GPC6: variants seen among roughly 807,000 people sequenced by gnomAD.
GPC6 encodes glypican-6.
Under a neutral mutation model 55.2 loss-of-function variants are expected in GPC6, and 14 were observed. That is an observed-to-expected ratio of 0.25 (90% CI 0.17 to 0.40). The LOEUF is 0.40. Among genes scored for constraint, GPC6 ranks in the 10% least tolerant of loss-of-function variants. The pLI, the probability that GPC6 is intolerant of heterozygous loss-of-function variation, is 1.00. For missense variants in GPC6, 641 were observed against 708.5 expected, an observed-to-expected ratio of 0.90 and a Z score of 1.08; for synonymous variants, 278 against 259.6, an observed-to-expected ratio of 1.07 and a Z score of -0.68.
At chr13:93,842,929 C>T (rs1888007578) in intron 3 of GPC6, among the ~76,000 whole-genome samples, 2 of 151,984 alleles carry the variant, frequency 1.3e-5, no homozygotes, top group African/African-American at 4.8e-5. Context: ...TCTAAATTCT[C>T]CATACCCAGA....
At chr13:93,216,724 T>C in the GPC6 span, among the ~76,000 whole-genome samples, 2 of 152,086 alleles carry the variant, frequency 1.3e-5, no homozygotes, top group Non-Finnish European at 2.9e-5. Context: ...CATATCCTCA[T>C]GGGAAAAAAG....
chr13:94,151,743 C>A (rs189590001), intron 4 of GPC6, among the ~76,000 whole-genome samples: 1 of 152,108 alleles, frequency 6.6e-6, no homozygotes, highest in East Asian at 1.9e-4. Flanking sequence ...CAGAGCCTTC[C>A]TTCGAAAGGG....
At chr13:94,035,095 G>C (rs893033546) in intron 4 of GPC6, among the ~76,000 whole-genome samples, 15 of 151,756 alleles carry the variant, frequency 9.9e-5, no homozygotes, top group African/African-American at 3.4e-4. Context: ...TTGGAATTTT[G>C]CGTTTTGATT....
chr13:93,420,899 C>T (rs1173477119), intron 1 of GPC6, among the ~76,000 whole-genome samples: 1 of 151,926 alleles, frequency 6.6e-6, no homozygotes, highest in Non-Finnish European at 1.5e-5. Flanking sequence ...ACAGGTAATT[C>T]AATGGAATGG....
At chr13:93,718,927 A>G (rs1456840267) in intron 2 of GPC6, among the ~76,000 whole-genome samples, 1 of 151,808 alleles carries the variant, frequency 6.6e-6, no homozygotes, top group African/African-American at 2.4e-5. Context: ...CCTCTGTTCT[A>G]TTCCATTGTT....
chr13:93,927,437 A>G lies in GPC6; in HGVS notation c.711+96892A>G, dbSNP rs182154029. ...TAGTCTTTTACTTGGAAAGGAGAGTAGTTAAATCTGACCAATTTAATTGAT... is the reference window on the plus strand; with the variant it reads ...TAGTCTTTTACTTGGAAAGGAGAGTGGTTAAATCTGACCAATTTAATTGAT... On this transcript the variant is annotated intron_variant, in intron 3 of 8. Coordinates refer to ENST00000377047, the MANE Select transcript of GPC6 (RefSeq NM_005708.5). Among the ~76,000 whole-genome samples the G allele has an allele frequency of 3.2e-3, 481 of 152,278 alleles. 1 individual carries two copies. The highest frequency in any genetic ancestry group is 0.031 in the Middle Eastern group (9 of 294).
intron 4 of GPC6, among the ~76,000 whole-genome samples, chr13:94,032,108 A>C (rs1484260390): frequency 6.6e-6 from 1 of 152,176 alleles, no homozygotes; most frequent in African/African-American, 2.4e-5. Flanking sequence ...AATGCTTCTA[A>C]CATCAAGTAT....
intron 1 of GPC6, among the ~76,000 whole-genome samples, chr13:93,344,962 T>C (rs557005216): frequency 4.6e-5 from 7 of 152,320 alleles, no homozygotes; most frequent in Admixed American, 3.9e-4. Flanking sequence ...GGTAATTCTT[T>C]CTATTTATGT....
intron 2 of GPC6, among the ~76,000 whole-genome samples, chr13:93,804,428 A>G (rs186568693): frequency 6.2e-4 from 94 of 152,344 alleles, no homozygotes; most frequent in Middle Eastern, 3.4e-3. Flanking sequence ...TGTTCATTAC[A>G]GCTTCATTTC....
intron 4 of GPC6, among the ~76,000 whole-genome samples, chr13:94,285,191 G>C (rs1892494686): frequency 6.6e-6 from 1 of 152,142 alleles, no homozygotes. Context: ...ATAACGAATA[G>C]AAATACAGGA....
At chr13:93,997,507 C>G (rs1049290054) in intron 3 of GPC6, among the ~76,000 whole-genome samples, 2 of 152,068 alleles carry the variant, frequency 1.3e-5, no homozygotes, top group African/African-American at 4.8e-5. Flanking sequence ...AGAAGACCTC[C>G]TCTCCAAACC....
intron 3 of GPC6, among the ~76,000 whole-genome samples, chr13:94,008,751 T>A (rs969847757): frequency 6.6e-6 from 1 of 152,196 alleles, no homozygotes; most frequent in Non-Finnish European, 1.5e-5. Flanking sequence ...ATAAACACTT[T>A]CAATGAACTA....
chr13:93,886,215 T>G (rs1875314900), intron 3 of GPC6, among the ~76,000 whole-genome samples: 1 of 152,080 alleles, frequency 6.6e-6, no homozygotes, highest in African/African-American at 2.4e-5. Flanking sequence ...TATGGTCTTG[T>G]TTTGGACTTT....
intron 2 of GPC6, among the ~76,000 whole-genome samples, chr13:93,555,680 C>A (rs947682326): frequency 6.6e-6 from 1 of 152,104 alleles, no homozygotes; most frequent in Non-Finnish European, 1.5e-5. Flanking sequence ...ACAGGATAAA[C>A]GTGTTTTTCT....
chr13:93,935,517 T>G (rs1273867210), intron 3 of GPC6, among the ~76,000 whole-genome samples: 1 of 152,230 alleles, frequency 6.6e-6, no homozygotes, highest in Non-Finnish European at 1.5e-5. Context: ...TCACTTAGGT[T>G]GGTTCCATGA....
At chr13:93,399,728 T>G (rs554121772) in intron 1 of GPC6, among the ~76,000 whole-genome samples, 1 of 152,334 alleles carries the variant, frequency 6.6e-6, no homozygotes, top group South Asian at 2.1e-4. Flanking sequence ...GGTGTGCCAG[T>G]GCCCCTCAAG....
intron 2 of GPC6, 50 bp from the exon 3 acceptor site, chr13:93,830,104 G>T: frequency 6.8e-7 from 1 of 1,470,234 alleles, no homozygotes; most frequent in Non-Finnish European, 9.4e-7. Context: ...TGGGTGCCTT[G>T]GGCTTTCTAG....
chr13:93,454,794 C>T (rs1193245437), intron 1 of GPC6, among the ~76,000 whole-genome samples: 10 of 152,366 alleles, frequency 6.6e-5, no homozygotes, highest in Non-Finnish European at 5.9e-5. Flanking sequence ...CTGCACTCCT[C>T]GGCCCTTGAG....
chr13:93,742,355 A>G (rs1884236086), intron 2 of GPC6, among the ~76,000 whole-genome samples: 1 of 152,200 alleles, frequency 6.6e-6, no homozygotes, highest in African/African-American at 2.4e-5. Context: ...CCTATAATTC[A>G]TTAAATGATA....
Sources: gnomAD v4.1 joint callset for allele counts (sites outside exome capture counted in the v4.1 genomes callset) on GRCh38, gnomAD v4.1.1 for gene constraint, MANE v1.5 for transcripts, NCBI Gene and HGNC (gene_info 2026-07-23, HGNC 2026-07-21) for gene names.